SORBS2: variants seen among roughly 807,000 people sequenced by gnomAD.
SORBS2 encodes sorbin and SH3 domain-containing protein 2.
A neutral mutation model predicts 97.7 loss-of-function variants in SORBS2; 46 were observed. That is an observed-to-expected ratio of 0.47 (90% CI 0.37 to 0.60). SORBS2 has a LOEUF of 0.60. SORBS2 is among the 20% of genes least tolerant of loss of function. SORBS2 has a pLI of 0.00. For missense variants in SORBS2, 1,316 were observed against 1,282.3 expected (o/e 1.03, Z -0.40); for synonymous variants, 476 against 473.4 (o/e 1.01, Z -0.07).
At chr4:185,925,531 T>C (rs2099263178) in intron 1 of SORBS2, among the ~76,000 whole-genome samples, 1 of 152,214 alleles carries the variant, frequency 6.6e-6, no homozygotes, top group African/African-American at 2.4e-5. Context: ...ATTCTTAGTG[T>C]CATAGTCGCA....
At chr4:185,734,314 CGGAAAGGAAACT>C (rs2098667653) in intron 2 of SORBS2, among the ~76,000 whole-genome samples, 160 bp from the exon 3 acceptor site, 1 of 152,108 alleles carries the variant, frequency 6.6e-6, no homozygotes, top group Non-Finnish European at 1.5e-5. Context: ...ACAAACACCG[CGGAAAGGAAACT>C]GGGTGGATAC....
chr4:185,709,885 A>C (rs1216940161), intron 2 of SORBS2: 2 of 146,876 alleles, frequency 1.4e-5, no homozygotes, highest in East Asian at 3.9e-4. Flanking sequence ...AAGACTAGTC[A>C]AGTGCAGTAG....
At chr4:185,642,421 TA>T (rs1245569462) in intron 4 of SORBS2, among the ~76,000 whole-genome samples, 1 of 152,142 alleles carries the variant, frequency 6.6e-6, no homozygotes, top group Admixed American at 6.5e-5. Flanking sequence ...TTTTTAAATT[TA>T]ACATTACTCA....
rs187454699 is a variant in SORBS2, at chr4:185,652,649, G to A, written c.91+13C>T. Reference sequence around the variant, plus strand: ...CACAAGGACCTCATCAGAAAGCAGAGCAGCAGACATACCCGGCTTGTGCAC... The same window carrying A: ...CACAAGGACCTCATCAGAAAGCAGAACAGCAGACATACCCGGCTTGTGCAC... On this transcript the variant is annotated intron_variant, in intron 2 of 14. Transcript: ENST00000418609. 2.4e-4 allele frequency: 391 copies of A among 1,609,908 alleles called. No homozygotes were observed. The highest frequency in any genetic ancestry group is 1.6e-4 in the Non-Finnish European group (187 of 1,176,100).
intron 1 of SORBS2, among the ~76,000 whole-genome samples, chr4:185,934,004 G>A (rs1002225002): frequency 2.0e-5 from 3 of 152,124 alleles, no homozygotes; most frequent in African/African-American, 7.2e-5. Context: ...TCAATCAAAA[G>A]TCTTTCCTTC....
At chr4:185,950,657 A>G (rs1338662538) in intron 1 of SORBS2, among the ~76,000 whole-genome samples, 1 of 152,228 alleles carries the variant, frequency 6.6e-6, no homozygotes, top group Non-Finnish European at 1.5e-5. Flanking sequence ...GAGCCTTAAC[A>G]CAAGACCAGG....
exon 1 of SORBS2, chr4:185,656,815 A>G: frequency 1.4e-6 from 2 of 1,397,590 alleles, no homozygotes; most frequent in South Asian, 3.2e-5. Flanking sequence ...AACTTAAAAA[A>G]AAATCCAAAC....
intron 1 of SORBS2, chr4:185,656,524 G>T (rs1023850602): frequency 2.4e-6 from 2 of 825,390 alleles, no homozygotes; most frequent in Non-Finnish European, 3.8e-6. Context: ...CATTCCAGGG[G>T]AGCAGCTCTT....
chr4:185,880,522 T>G (rs753112047), intron 1 of SORBS2, among the ~76,000 whole-genome samples: 5 of 152,232 alleles, frequency 3.3e-5, no homozygotes, highest in Non-Finnish European at 7.3e-5. Flanking sequence ...TTGTGTCAGT[T>G]ATACCTAAAG....
rs143934228 is a variant in SORBS2, at chr4:185,730,149, T to C, written c.-198+45078A>G. Reference sequence around the variant, plus strand: ...TTGTATTTTTAGTAGAGACGGGGTTTCACTGTGTTAGCCAGGATGGTCTCG... The same window carrying C: ...TTGTATTTTTAGTAGAGACGGGGTTCCACTGTGTTAGCCAGGATGGTCTCG... On this transcript the variant is annotated intron_variant, in intron 2 of 20. Coordinates refer to the SORBS2 transcript ENST00000284776. Among the ~76,000 whole-genome samples, 53 of 152,250 alleles carry C rather than the reference T, an allele frequency of 3.5e-4. No individual in the cohort carries two copies. The East Asian group carries it at 9.7e-3, about 28-fold the overall frequency.
intron 2 of SORBS2, among the ~76,000 whole-genome samples, chr4:185,748,460 C>G (rs962950190): frequency 6.6e-6 from 1 of 152,156 alleles, no homozygotes; most frequent in Non-Finnish European, 1.5e-5. Context: ...GTAAGGCGAG[C>G]TGGGAAGTAG....
intron 1 of SORBS2, among the ~76,000 whole-genome samples, chr4:185,885,500 T>C (rs1248152333): frequency 6.6e-6 from 1 of 152,244 alleles, no homozygotes; most frequent in East Asian, 1.9e-4. Flanking sequence ...CTCCATTCAC[T>C]TTTTGAGGTC....
At chr4:185,615,337 A>G in intron 9 of SORBS2, 178 bp from the exon 22 acceptor site, 1 of 588,802 alleles carries the variant, frequency 1.7e-6, no homozygotes, top group Non-Finnish European at 3.0e-6. Context: ...TGCACTTAAA[A>G]CATTATAACT....
intron 1 of SORBS2, among the ~76,000 whole-genome samples, chr4:185,826,998 CA>C (rs1175976499): frequency 4.0e-5 from 6 of 150,312 alleles, no homozygotes; most frequent in African/African-American, 1.5e-4. Flanking sequence ...CACTGTACCC[CA>C]CCCCTGACTA....
intron 2 of SORBS2, among the ~76,000 whole-genome samples, chr4:185,741,669 T>C (rs1449534989): frequency 6.6e-6 from 1 of 152,164 alleles, no homozygotes; most frequent in East Asian, 1.9e-4. Flanking sequence ...CGGCCTGTCC[T>C]CACTTTTTAT....
At position 185,624,015 on chromosome 4, in the gene SORBS2, C is replaced by G. The variant is rs761706405; in HGVS notation, c.1114G>C (p.Glu372Gln). Residue 372 changes from glutamate to glutamine, a missense_variant, in exon 7 of 15, where the codon GAG becomes CAG. Coordinates refer to ENST00000418609, the Ensembl canonical transcript of SORBS2. Reference sequence around the variant, plus strand: ...CTGGACTTCACGGAGCAGATCACCTCGGAGTTCATCAGGTCCTTGCGGTTG... The same window carrying G: ...CTGGACTTCACGGAGCAGATCACCTGGGAGTTCATCAGGTCCTTGCGGTTG... 3.7e-6 allele frequency: 6 copies of G among 1,614,194 alleles called. No individual in the cohort carries two copies. The South Asian group carries it at 6.6e-5, about 18-fold the overall frequency.
chr4:185,665,721 C>G (rs2097585380), intron 4 of SORBS2: 1 of 979,748 alleles, frequency 1.0e-6, no homozygotes, highest in Non-Finnish European at 1.2e-6. Context: ...CAAAGAAAGG[C>G]AGAATAATTA....
At chr4:185,679,397 C>A (rs2097841433) in intron 2 of SORBS2, among the ~76,000 whole-genome samples, 1 of 152,072 alleles carries the variant, frequency 6.6e-6, no homozygotes. Context: ...AAAACTGTTA[C>A]AACATGTTCC....
intron 1 of SORBS2, among the ~76,000 whole-genome samples, chr4:185,871,166 T>C (rs545774305): frequency 5.0e-4 from 76 of 152,308 alleles, no homozygotes; most frequent in African/African-American, 1.8e-3. Flanking sequence ...ACTTGACAAA[T>C]ATATTTTAAA....
Sources: gnomAD v4.1 joint callset for allele counts (sites outside exome capture counted in the v4.1 genomes callset) on GRCh38, gnomAD v4.1.1 for gene constraint, MANE v1.5 for transcripts, NCBI Gene and HGNC (gene_info 2026-07-23, HGNC 2026-07-21) for gene names.